The following STAG1 variants were observed in gnomAD, a reference collection of about 807,000 sequenced individuals.
STAG1 encodes the protein STAG1 cohesin complex component, also known as cohesin subunit SA-1.
STAG1 carries 26 observed loss-of-function variants against 170.9 expected under a neutral mutation model. The ratio of observed to expected loss-of-function variants is 0.15; its 90% CI spans 0.11 to 0.21. STAG1 has a LOEUF of 0.21. STAG1 is among the 10% of genes least tolerant of loss of function. The pLI, the probability that STAG1 is intolerant of heterozygous loss-of-function variation, is 1.00. For missense variants in STAG1, 964 were observed against 1,509.5 expected (o/e 0.64, Z 5.99); for synonymous variants, 514 against 497.7 (o/e 1.03, Z -0.44).
intron 15 of STAG1, among the ~76,000 whole-genome samples, chr3:136,434,660 T>A (rs1430551016): frequency 6.6e-6 from 1 of 152,186 alleles, no homozygotes; most frequent in African/African-American, 2.4e-5. Context: ...TGTTAATTTT[T>A]AAAAAGCCAC....
In STAG1 at chr3:136,689,012, C is replaced by G. The variant is rs544447789; in HGVS notation, c.-83-58031G>C. On this transcript the variant is annotated intron_variant, in intron 1 of 33. Transcript: ENST00000383202. ...ACAATGAAAATCCTGTAAAATTTGC[C>G]AAATTAAATGTACCTGTTTAATTAC... Among the ~76,000 whole-genome samples, 23 of 152,262 alleles carry G rather than the reference C, an allele frequency of 1.5e-4. 1 individual carries two copies. Among genetic ancestry groups the G allele is most frequent in the African/African-American group, 5.3e-4 (22 of 41,550 alleles).
At chr3:136,721,792 C>T (rs1435471672) in intron 1 of STAG1, among the ~76,000 whole-genome samples, 3 of 151,820 alleles carry the variant, frequency 2.0e-5, no homozygotes, top group African/African-American at 4.8e-5. Flanking sequence ...GGAGTGGTGG[C>T]GGGCACCTAT....
intron 1 of STAG1, among the ~76,000 whole-genome samples, chr3:136,713,427 G>A (rs1291686916): frequency 6.6e-6 from 1 of 151,554 alleles, no homozygotes; most frequent in Non-Finnish European, 1.5e-5. Flanking sequence ...TACTAAAAAT[G>A]CAACAATTAG....
chr3:136,488,039 T>A (rs1024388747), intron 9 of STAG1, among the ~76,000 whole-genome samples: 1 of 152,268 alleles, frequency 6.6e-6, no homozygotes, highest in Non-Finnish European at 1.5e-5. Context: ...ATGCTTTGAT[T>A]GTAATCTTAT....
At chr3:136,566,056 T>A (rs1381931564) in intron 5 of STAG1, among the ~76,000 whole-genome samples, 5 of 152,310 alleles carry the variant, frequency 3.3e-5, no homozygotes, top group African/African-American at 9.6e-5. Context: ...CTAACAGGTA[T>A]AGGGTATTTT....
chr3:136,466,794 C>T (rs2089475685), intron 12 of STAG1, among the ~76,000 whole-genome samples: 1 of 152,206 alleles, frequency 6.6e-6, no homozygotes, highest in Admixed American at 6.5e-5. Flanking sequence ...ATCAGACTAA[C>T]AGTGGATTTC....
Position 136,599,709 on chromosome 3 carries a change from A to G in STAG1, c.297+4600T>C, listed in dbSNP as rs570668230. Among the ~76,000 whole-genome samples, 14 of 152,200 alleles carry G rather than the reference A, an allele frequency of 9.2e-5. No individual in the cohort carries two copies. In the South Asian group the frequency reaches 2.9e-3, roughly 32 times the overall value. On this transcript the variant is annotated intron_variant, in intron 4 of 33. Coordinates refer to ENST00000383202, the MANE Select transcript of STAG1 (RefSeq NM_005862.3). ...CTAACTGAGTCCAATAAATGCCAAT[A>G]CTTGAATTCTCCCTCTCATGGCACC...
At chr3:136,529,212 G>A (rs753273856) in intron 6 of STAG1, among the ~76,000 whole-genome samples, 80 of 152,098 alleles carry the variant, frequency 5.3e-4, no homozygotes, top group Non-Finnish European at 1.0e-3. Context: ...GGCCAAGACA[G>A]AATGAAAGCA....
chr3:136,428,162 C>T (rs563800158), intron 16 of STAG1, among the ~76,000 whole-genome samples: 8 of 151,978 alleles, frequency 5.3e-5, no homozygotes, highest in Admixed American at 5.2e-4. Flanking sequence ...AAGAAATACA[C>T]TAATCTACTC....
chr3:136,665,980 C>T (rs1268309376), intron 1 of STAG1, among the ~76,000 whole-genome samples: 1 of 140,508 alleles, frequency 7.1e-6, no homozygotes, highest in African/African-American at 2.6e-5. Context: ...GAGGCTAAGG[C>T]AGGAGAATGG....
chr3:136,494,214 G>T (rs938981139), intron 9 of STAG1, among the ~76,000 whole-genome samples: 2 of 152,016 alleles, frequency 1.3e-5, no homozygotes, highest in Non-Finnish European at 2.9e-5. Flanking sequence ...GAGGTTCTAC[G>T]GAGTTGTGAT....
At chr3:136,352,992 C>T (rs1936492660) in intron 28 of STAG1, among the ~76,000 whole-genome samples, 1 of 152,094 alleles carries the variant, frequency 6.6e-6, no homozygotes, top group African/African-American at 2.4e-5. Context: ...GGTATGATGA[C>T]AATATCTCTC....
chr3:136,719,704 T>A (rs1933113712), intron 1 of STAG1, among the ~76,000 whole-genome samples: 2 of 149,580 alleles, frequency 1.3e-5, no homozygotes, highest in Non-Finnish European at 1.5e-5. Flanking sequence ...GATGGATGGA[T>A]GGATCGATCT....
chr3:136,702,793 G>GT (rs1943120329), intron 1 of STAG1, among the ~76,000 whole-genome samples: 1 of 152,124 alleles, frequency 6.6e-6, no homozygotes, highest in Admixed American at 6.6e-5. Flanking sequence ...GGCCGGGCCA[G>GT]GCACGGTGGC....
intron 4 of STAG1, among the ~76,000 whole-genome samples, chr3:136,569,989 G>T (rs186741753): frequency 6.6e-6 from 1 of 152,210 alleles, no homozygotes; most frequent in East Asian, 1.9e-4. Flanking sequence ...GATTGTTTGA[G>T]ATTTTCTTGG....
intron 32 of STAG1, 147 bp from the exon 33 acceptor site, chr3:136,338,597 T>C (rs558137377): frequency 3.2e-5 from 20 of 632,838 alleles, no homozygotes; most frequent in East Asian, 1.4e-4. Flanking sequence ...CTGGCTTTTA[T>C]ATGAAATAGA....
At chr3:136,681,844 T>A (rs1452230720) in intron 1 of STAG1, among the ~76,000 whole-genome samples, 2 of 152,026 alleles carry the variant, frequency 1.3e-5, no homozygotes, top group African/African-American at 2.4e-5. Context: ...ATAAAAACAA[T>A]CAGCAAATTA....
rs372487472 is a variant in STAG1 at position 136,620,183 on chromosome 3, G to T, written c.132+2963C>A. ...TTTGACTGGCTAAATGAAAACCAAA[G>T]ATACAAGAAATGCCTTTTAAAAGTA... On this transcript the variant is annotated intron_variant, in intron 3 of 33. Transcript: ENST00000383202. Among the ~76,000 whole-genome samples, 21 of 152,014 alleles carry T rather than the reference G, an allele frequency of 1.4e-4. No homozygotes were observed. In the South Asian group the frequency reaches 3.1e-3, roughly 23 times the overall value.
At position 136,502,705 on chromosome 3, in the gene STAG1, A is replaced by G; in HGVS notation, c.751T>C (p.Tyr251His). 1 of 1,613,874 alleles carries G rather than the reference A, an allele frequency of 6.2e-7. No homozygotes were observed. The highest frequency in any genetic ancestry group is 1.1e-5 in the South Asian group (1 of 91,056). ...SIHQDNTQRQ[Y>H]EAERNKMIGK... ...ATCATTTTATTTCTCTCGGCTTCATATTGTCTCTGGGTATTATCCTGATGA... is the reference window on the plus strand; with the variant it reads ...ATCATTTTATTTCTCTCGGCTTCATGTTGTCTCTGGGTATTATCCTGATGA... Residue 251 changes from tyrosine (Y) to histidine (H), a missense_variant, in exon 8 of 34, where the codon TAT (tyrosine) becomes CAT (histidine). Tyr to His is a moderately conservative substitution (Grantham distance 83). Around this residue, in one of 11 missense-constraint regions of STAG1, gnomAD observed 57 missense variants for 157.6 expected, o/e 0.36. Coordinates refer to ENST00000383202, the MANE Select transcript of STAG1 (RefSeq NM_005862.3).
Sources: gnomAD v4.1 joint callset for allele counts (sites outside exome capture counted in the v4.1 genomes callset) on GRCh38, gnomAD v4.1.1 for gene constraint, gnomAD v4.1.1 regional missense constraint, MANE v1.5 for transcripts, NCBI Gene and HGNC (gene_info 2026-07-23, HGNC 2026-07-21) for gene names.